The following ZNF385D variants were observed in gnomAD, a reference collection of about 807,000 sequenced individuals.
ZNF385D encodes zinc finger protein 385D.
A neutral mutation model predicts 35.8 loss-of-function variants in ZNF385D; 15 were observed. The observed-to-expected ratio is 0.42, with a 90% confidence interval of 0.28 to 0.64. ZNF385D has a LOEUF of 0.64. ZNF385D is among the 30% of genes least tolerant of loss of function. ZNF385D has a pLI of 0.23. For synonymous variants in ZNF385D, 212 were observed against 186.8 expected, an observed-to-expected ratio of 1.13 and a Z score of -1.10; for missense variants, 474 against 494.6, an observed-to-expected ratio of 0.96 and a Z score of 0.39.
rs187721389 is a variant in ZNF385D, at chr3:21,492,504, C to T, written c.439+18357G>A. ...GTATTACTAAAAAAAAAAAAATGGCCGGGCATGGTGGCTCAAACCTGTAAT... is the reference window on the plus strand; with the variant it reads ...GTATTACTAAAAAAAAAAAAATGGCTGGGCATGGTGGCTCAAACCTGTAAT... On this transcript the variant is annotated intron_variant, in intron 4 of 7. Transcript: ENST00000281523. 6.6e-5 allele frequency among the ~76,000 whole-genome samples: 10 copies of T among 151,222 alleles called. No homozygotes were observed. In the East Asian group the frequency reaches 1.6e-3, roughly 23 times the overall value.
At chr3:21,423,677 T>C (rs962523714) in intron 7 of ZNF385D, among the ~76,000 whole-genome samples, 1 of 152,180 alleles carries the variant, frequency 6.6e-6, no homozygotes, top group African/African-American at 2.4e-5. Flanking sequence ...ATACAAATAC[T>C]TTGTCTCTTA....
intron 3 of ZNF385D, among the ~76,000 whole-genome samples, chr3:21,933,621 T>A (rs1701119936): frequency 6.6e-6 from 1 of 152,158 alleles, no homozygotes; most frequent in Non-Finnish European, 1.5e-5. Flanking sequence ...TACTTTATAT[T>A]TGAGAAAAGA....
At chr3:22,123,922 ATCTCTCTCTCTCTCTCTC>A (rs34781505) in intron 3 of ZNF385D, among the ~76,000 whole-genome samples, 37 of 80,284 alleles carry the variant, frequency 4.6e-4, no homozygotes, top group African/African-American at 1.7e-3. Flanking sequence ...GCTAGACTCC[ATCTCTCTCTCTCTCTCTC>A]TCTCTCTCTC....
At chr3:21,991,789 TG>T (rs1187084882) in intron 3 of ZNF385D, among the ~76,000 whole-genome samples, 15 of 152,228 alleles carry the variant, frequency 9.9e-5, no homozygotes, top group Admixed American at 5.9e-4. Context: ...AGTCATGCTT[TG>T]GGCAAGATTT....
chr3:22,280,905 T>C (rs370721913), intron 2 of ZNF385D, among the ~76,000 whole-genome samples: 1 of 151,996 alleles, frequency 6.6e-6, no homozygotes, highest in East Asian at 1.9e-4. Context: ...CTATGATTTC[T>C]TTCAGCAGTG....
At chr3:22,289,461 A>C (rs568775742) in intron 2 of ZNF385D, among the ~76,000 whole-genome samples, 21 of 152,322 alleles carry the variant, frequency 1.4e-4, no homozygotes, top group African/African-American at 4.8e-4. Flanking sequence ...TCAGTCTTCC[A>C]AAGGTTTATT....
intron 1 of ZNF385D, among the ~76,000 whole-genome samples, chr3:21,671,973 C>T (rs945544649): frequency 1.3e-5 from 2 of 152,104 alleles, no homozygotes; most frequent in East Asian, 1.9e-4. Context: ...CTGACCAAAT[C>T]GGATAAATAA....
intron 3 of ZNF385D, among the ~76,000 whole-genome samples, chr3:21,883,533 G>A (rs1698387321): frequency 6.6e-6 from 1 of 151,768 alleles, no homozygotes; most frequent in South Asian, 2.1e-4. Flanking sequence ...ATTCATCCTT[G>A]GTCATGCTAT....
intron 3 of ZNF385D, among the ~76,000 whole-genome samples, chr3:21,888,210 A>G (rs753463008): frequency 6.6e-6 from 1 of 152,214 alleles, no homozygotes; most frequent in Non-Finnish European, 1.5e-5. Flanking sequence ...AATGTTCATT[A>G]GGTGGTTAAA....
intron 3 of ZNF385D, among the ~76,000 whole-genome samples, chr3:21,806,819 A>G (rs2072673448): frequency 6.6e-6 from 1 of 152,224 alleles, no homozygotes; most frequent in Non-Finnish European, 1.5e-5. Flanking sequence ...GACCTGGGAG[A>G]AGACTCTCAA....
At chr3:22,068,342 A>G (rs1041722240) in intron 3 of ZNF385D, among the ~76,000 whole-genome samples, 1 of 152,172 alleles carries the variant, frequency 6.6e-6, no homozygotes, top group Non-Finnish European at 1.5e-5. Context: ...ACTCTGAGCT[A>G]CACTTTACCG....
At chr3:22,021,535 T>C (rs80059155) in intron 3 of ZNF385D, among the ~76,000 whole-genome samples, 4,912 of 152,168 alleles carry the variant, frequency 0.032, 122 homozygotes, top group Middle Eastern at 0.1. Flanking sequence ...TTTGAGTAAG[T>C]TGCTTTAATT....
At chr3:22,008,492 G>C (rs1033066851) in intron 3 of ZNF385D, among the ~76,000 whole-genome samples, 12 of 152,070 alleles carry the variant, frequency 7.9e-5, no homozygotes, top group Non-Finnish European at 1.0e-4. Context: ...TAGTAGCTGG[G>C]ACTACAGGCG....
At chr3:21,874,700 T>C (rs73040561) in intron 3 of ZNF385D, among the ~76,000 whole-genome samples, 14,619 of 152,112 alleles carry the variant, frequency 0.096, 820 homozygotes, top group East Asian at 0.15. Context: ...TTTTTCAAGA[T>C]ATTTTATGGC....
intron 3 of ZNF385D, among the ~76,000 whole-genome samples, chr3:21,857,671 AG>A (rs1266556116): frequency 6.6e-6 from 1 of 151,810 alleles, no homozygotes; most frequent in Non-Finnish European, 1.5e-5. Flanking sequence ...CAACCAGAGG[AG>A]CCAGGGAATG....
intron 2 of ZNF385D, among the ~76,000 whole-genome samples, chr3:22,259,045 G>A (rs982494400): frequency 2.6e-5 from 4 of 151,782 alleles, no homozygotes; most frequent in African/African-American, 9.7e-5. Flanking sequence ...AAGTGTAATT[G>A]CTATGTCGAT....
chr3:21,969,304 A>G (rs1422051393), intron 3 of ZNF385D, among the ~76,000 whole-genome samples: 1 of 151,960 alleles, frequency 6.6e-6, no homozygotes, highest in East Asian at 1.9e-4. Context: ...GACCAGGTGG[A>G]GGTAATTGAG....
chr3:21,689,718 C>G (rs1274854644), intron 1 of ZNF385D, among the ~76,000 whole-genome samples: 1 of 152,020 alleles, frequency 6.6e-6, no homozygotes, highest in Non-Finnish European at 1.5e-5. Flanking sequence ...ATCAGAAACA[C>G]CTGTAGGGCT....
chr3:21,556,709 G>A (rs1286771716), intron 3 of ZNF385D, among the ~76,000 whole-genome samples: 2 of 150,952 alleles, frequency 1.3e-5, no homozygotes, highest in Admixed American at 6.6e-5. Flanking sequence ...CTAATTCTGT[G>A]AAGAGAGTTA....
Sources: allele counts gnomAD v4.1 joint callset (sites outside exome capture counted in the v4.1 genomes callset), GRCh38; gene constraint gnomAD v4.1.1; transcripts MANE v1.5; gene names NCBI Gene and HGNC (gene_info 2026-07-23, HGNC 2026-07-21).